The following PPFIA2 variants were observed in gnomAD, a reference collection of about 807,000 sequenced individuals.
The protein encoded by PPFIA2 is PPFI scaffold protein A2, also known as liprin-alpha-2.
PPFIA2 carries 46 observed loss-of-function variants against 175.5 expected under a neutral mutation model. The ratio of observed to expected loss-of-function variants is 0.26; its 90% CI spans 0.21 to 0.34. PPFIA2 has a LOEUF of 0.34. Among genes scored for constraint, PPFIA2 ranks in the 10% least tolerant of loss-of-function variants. The pLI, the probability that PPFIA2 is intolerant of heterozygous loss-of-function variation, is 1.00. For missense variants in PPFIA2, 1,179 were observed against 1,506.1 expected, an observed-to-expected ratio of 0.78 and a Z score of 3.60; for synonymous variants, 568 against 511.4, an observed-to-expected ratio of 1.11 and a Z score of -1.49.
intron 4 of PPFIA2, among the ~76,000 whole-genome samples, chr12:81,648,265 G>T (rs1466525360): frequency 6.6e-6 from 1 of 151,740 alleles, no homozygotes; most frequent in Non-Finnish European, 1.5e-5. Context: ...GAATAGAAAA[G>T]AACTTGCTCA....
chr12:81,576,168 G>A (rs1213430855), intron 4 of PPFIA2, among the ~76,000 whole-genome samples: 1 of 151,572 alleles, frequency 6.6e-6, no homozygotes, highest in Non-Finnish European at 1.5e-5. Context: ...GATTAAGAAT[G>A]GGGTGTCCTT....
chr12:81,687,229 C>G (rs1442275301), intron 3 of PPFIA2, among the ~76,000 whole-genome samples: 2 of 152,044 alleles, frequency 1.3e-5, no homozygotes, highest in African/African-American at 4.8e-5. Context: ...AACCTCTGTA[C>G]ATGTGGTTTT....
intron 7 of PPFIA2, among the ~76,000 whole-genome samples, chr12:81,423,223 C>T (rs2046602488): frequency 6.6e-6 from 1 of 152,134 alleles, no homozygotes. Context: ...ATCTTAAGCT[C>T]TTCCAAAAAA....
At chr12:81,667,402 A>G (rs1365683855) in intron 4 of PPFIA2, among the ~76,000 whole-genome samples, 2 of 152,040 alleles carry the variant, frequency 1.3e-5, no homozygotes, top group East Asian at 3.9e-4. Flanking sequence ...ACCTTTCTTG[A>G]AAACCATTAG....
intron 3 of PPFIA2, among the ~76,000 whole-genome samples, chr12:81,711,838 G>C (rs1408512524): frequency 6.7e-6 from 1 of 148,602 alleles, no homozygotes; most frequent in African/African-American, 2.5e-5. Context: ...AAGCCAGTAT[G>C]GTACCTTATC....
intron 3 of PPFIA2, among the ~76,000 whole-genome samples, chr12:81,737,433 C>A (rs1346123979): frequency 6.6e-6 from 1 of 151,602 alleles, no homozygotes; most frequent in Non-Finnish European, 1.5e-5. Flanking sequence ...AGACATCTGG[C>A]CAAAAAAAAT....
At chr12:81,637,122 T>G (rs2064175897) in intron 4 of PPFIA2, among the ~76,000 whole-genome samples, 1 of 151,054 alleles carries the variant, frequency 6.6e-6, no homozygotes, top group Admixed American at 6.6e-5. Context: ...CAGGCTGGAG[T>G]GCAATGGTGT....
chr12:81,408,188 A>G (rs2043261999), intron 7 of PPFIA2, among the ~76,000 whole-genome samples: 1 of 152,204 alleles, frequency 6.6e-6, no homozygotes, highest in African/African-American at 2.4e-5. Flanking sequence ...CAAAGGAATG[A>G]CAAGAAGAAT....
At chr12:81,662,552 A>G (rs974022113) in intron 4 of PPFIA2, among the ~76,000 whole-genome samples, 6 of 152,216 alleles carry the variant, frequency 3.9e-5, no homozygotes, top group African/African-American at 1.4e-4. Flanking sequence ...AATTGAGGCT[A>G]TAATTAATAG....
chr12:81,316,445 T>C (rs2052370831), intron 22 of PPFIA2, among the ~76,000 whole-genome samples: 1 of 151,614 alleles, frequency 6.6e-6, no homozygotes, highest in South Asian at 2.1e-4. Context: ...TATTAGACAC[T>C]CTCTTGTAAG....
intron 4 of PPFIA2, among the ~76,000 whole-genome samples, chr12:81,631,252 C>T (rs779184049): frequency 1.4e-4 from 21 of 151,968 alleles, no homozygotes; most frequent in Non-Finnish European, 2.5e-4. Flanking sequence ...GATTTTAATG[C>T]TACTAGCAAT....
In PPFIA2 at chr12:81,676,782, C is replaced by G. The variant is rs1210579321; in HGVS notation, c.303+9G>C. 1 of 1,544,972 alleles carries G rather than the reference C, an allele frequency of 6.5e-7. No individual in the cohort carries two copies. The highest frequency in any genetic ancestry group is 1.2e-5 in the South Asian group (1 of 81,622). On this transcript the variant is annotated intron_variant, in intron 4 of 32. Transcript: ENST00000549396. The stretch of plus-strand genomic sequence containing the variant: ...TCAATAGTTAAATTTAATGAAGAAT[C>G]TAACTTACCGGTGGATCAGCCCCCT...
At chr12:81,684,438 T>A (rs943333501) in intron 3 of PPFIA2, among the ~76,000 whole-genome samples, 2 of 152,060 alleles carry the variant, frequency 1.3e-5, no homozygotes, top group African/African-American at 4.8e-5. Flanking sequence ...CATCAGCCTA[T>A]AGAACAGCTT....
chr12:81,641,552 C>T (rs1394899618), intron 4 of PPFIA2, among the ~76,000 whole-genome samples: 1 of 152,114 alleles, frequency 6.6e-6, no homozygotes, highest in Non-Finnish European at 1.5e-5. Flanking sequence ...CAGTCTGGAG[C>T]CACGGGCCAC....
chr12:81,556,792 G>T (rs1187608270), intron 4 of PPFIA2, among the ~76,000 whole-genome samples: 1 of 151,778 alleles, frequency 6.6e-6, no homozygotes, highest in African/African-American at 2.4e-5. Flanking sequence ...CCATTGTTGG[G>T]ATCCTTATTA....
intron 3 of PPFIA2, among the ~76,000 whole-genome samples, chr12:81,712,337 A>C: frequency 6.6e-6 from 1 of 151,436 alleles, no homozygotes; most frequent in South Asian, 2.1e-4. Flanking sequence ...GTTTGATACA[A>C]AGTACTTAAT....
At chr12:81,344,763 A>G in intron 18 of PPFIA2, 70 bp from the exon 19 acceptor site, 1 of 1,138,660 alleles carries the variant, frequency 8.8e-7, no homozygotes, top group South Asian at 1.5e-5. Flanking sequence ...ACCAAGTTAC[A>G]ATTTTAAATA....
At chr12:81,485,741 G>A (rs1026130363) in intron 4 of PPFIA2, among the ~76,000 whole-genome samples, 4 of 151,764 alleles carry the variant, frequency 2.6e-5, no homozygotes, top group African/African-American at 4.8e-5. Context: ...TCTATGAGAC[G>A]ATAAAATGTA....
intron 13 of PPFIA2, 149 bp from the exon 14 acceptor site, chr12:81,367,319 T>A: frequency 3.7e-6 from 2 of 533,432 alleles, no homozygotes; most frequent in Middle Eastern, 6.5e-4. Flanking sequence ...CATGCTTTGA[T>A]GAAATTTTCA....
Sources: gnomAD v4.1 joint callset for allele counts (sites outside exome capture counted in the v4.1 genomes callset) on GRCh38, gnomAD v4.1.1 for gene constraint, MANE v1.5 for transcripts, NCBI Gene and HGNC (gene_info 2026-07-23, HGNC 2026-07-21) for gene names.